The following CEP57L1 variants were observed in gnomAD, a reference collection of about 807,000 sequenced individuals.
CEP57L1 encodes centrosomal protein CEP57L1.
A neutral mutation model predicts 61.0 loss-of-function variants in CEP57L1; 37 were observed. The observed-to-expected ratio is 0.61, with a 90% CI of 0.47 to 0.80. The LOEUF is 0.80. CEP57L1 is among the 30% of genes least tolerant of loss of function. CEP57L1 has a pLI of 0.00. For synonymous variants in CEP57L1, 137 were observed against 162.3 expected (o/e 0.84, Z 1.19); for missense variants, 422 against 524.7 (o/e 0.80, Z 1.91).
chr6:109,097,478 C>T (rs1367371280), intron 1 of CEP57L1, among the ~76,000 whole-genome samples: 3 of 152,166 alleles, frequency 2.0e-5, no homozygotes, highest in Admixed American at 2.0e-4. Flanking sequence ...TATTGCCCTC[C>T]AGATCAGCCA....
At chr6:109,154,574 A>G (rs569466956) in intron 5 of CEP57L1, among the ~76,000 whole-genome samples, 2 of 152,248 alleles carry the variant, frequency 1.3e-5, no homozygotes, top group South Asian at 4.1e-4. Flanking sequence ...AAAATCCAAA[A>G]TCTGATATAC....
intron 1 of CEP57L1, among the ~76,000 whole-genome samples, chr6:109,110,883 A>G (rs1426947637): frequency 5.3e-5 from 8 of 152,244 alleles, no homozygotes; most frequent in Middle Eastern, 3.4e-3. Context: ...CCATTGGTCT[A>G]TATATCTGTT....
intron 1 of CEP57L1, among the ~76,000 whole-genome samples, chr6:109,132,757 T>C (rs1267303523): frequency 6.6e-6 from 1 of 152,246 alleles, no homozygotes; most frequent in African/African-American, 2.4e-5. Context: ...TTCTACATCA[T>C]TTCTAAAATT....
At chr6:109,136,563 A>T (rs78439874) in intron 1 of CEP57L1, among the ~76,000 whole-genome samples, 2 of 145,328 alleles carry the variant, frequency 1.4e-5, no homozygotes, top group Non-Finnish European at 1.5e-5. Context: ...TATAAGTATA[A>T]AAAAAAAAAA....
intron 1 of CEP57L1, among the ~76,000 whole-genome samples, chr6:109,097,753 T>C (rs1195165911): frequency 1.3e-5 from 2 of 152,078 alleles, no homozygotes; most frequent in African/African-American, 4.8e-5. Flanking sequence ...TGCCAGGATG[T>C]GAGGGGCAAG....
intron 1 of CEP57L1, among the ~76,000 whole-genome samples, chr6:109,141,456 G>T (rs938060655): frequency 2.6e-5 from 4 of 151,808 alleles, no homozygotes; most frequent in Non-Finnish European, 5.9e-5. Flanking sequence ...CTCATGATCC[G>T]CCCACCTCTC....
intron 1 of CEP57L1, among the ~76,000 whole-genome samples, chr6:109,126,403 T>A (rs1205193811): frequency 6.6e-6 from 1 of 152,214 alleles, no homozygotes; most frequent in Non-Finnish European, 1.5e-5. Flanking sequence ...TTGTGGACAA[T>A]GTTTTAGAAG....
intron 1 of CEP57L1, among the ~76,000 whole-genome samples, chr6:109,133,308 C>T (rs1299569789): frequency 5.9e-5 from 9 of 152,028 alleles, no homozygotes; most frequent in African/African-American, 9.7e-5. Flanking sequence ...GACATTAGTT[C>T]GATTCTCATA....
intron 1 of CEP57L1, among the ~76,000 whole-genome samples, chr6:109,115,600 A>AT (rs929172472): frequency 3.2e-4 from 48 of 152,076 alleles, no homozygotes; most frequent in Non-Finnish European, 4.6e-4. Context: ...TAAATCTGTT[A>AT]TTTTTTTTAA....
intron 1 of CEP57L1, among the ~76,000 whole-genome samples, chr6:109,120,633 G>A (rs1194111705): frequency 1.3e-5 from 2 of 151,456 alleles, no homozygotes; most frequent in Non-Finnish European, 3.0e-5. Context: ...GGGATTATGG[G>A]CTACTCTTAA....
At chr6:109,112,260 A>T (rs1771743205) in intron 1 of CEP57L1, among the ~76,000 whole-genome samples, 1 of 152,116 alleles carries the variant, frequency 6.6e-6, no homozygotes, top group Admixed American at 6.5e-5. Context: ...GGGAGGGTGT[A>T]TGTGCCCCGG....
chr6:109,107,258 TTC>T (rs1296034309), intron 1 of CEP57L1, among the ~76,000 whole-genome samples: 1 of 149,144 alleles, frequency 6.7e-6, no homozygotes, highest in African/African-American at 2.5e-5. Flanking sequence ...GGCTTGAATT[TTC>T]TCTCTGTTTT....
At chr6:109,142,118 A>G (rs1035616050) in intron 1 of CEP57L1, among the ~76,000 whole-genome samples, 10 of 152,292 alleles carry the variant, frequency 6.6e-5, no homozygotes, top group African/African-American at 9.6e-5. Context: ...GTTGCAGCCA[A>G]TTGGGGTATC....
intron 1 of CEP57L1, among the ~76,000 whole-genome samples, chr6:109,127,831 T>C (rs1773744633): frequency 6.6e-6 from 1 of 151,812 alleles, no homozygotes; most frequent in Non-Finnish European, 1.5e-5. Context: ...GGTTTCACCA[T>C]GTTGGCCAGG....
At chr6:109,140,649 C>T (rs1450805098) in intron 1 of CEP57L1, 1 of 151,950 alleles carries the variant, frequency 6.6e-6, no homozygotes, top group Non-Finnish European at 1.5e-5. Context: ...CCGCCTGCCT[C>T]AGCCCCTCAA....
rs536618462 is a variant in CEP57L1 at position 109,173,178 on chromosome 6, G to A, written c.*10208G>A. On this transcript the variant is annotated 3_prime_UTR_variant, in exon 11 of 11. Coordinates refer to ENST00000517392, the MANE Select transcript of CEP57L1 (RefSeq NM_001271852.3). Reference sequence around the variant, plus strand: ...TTTAACCATGTATACCATTGTTTGTGTACTTTTTAATTGTGTCATTTTCTA... The same window carrying A: ...TTTAACCATGTATACCATTGTTTGTATACTTTTTAATTGTGTCATTTTCTA... Among the ~76,000 whole-genome samples the A allele has an allele frequency of 3.4e-4, 52 of 152,118 alleles. 1 individual carries two copies. The highest frequency in any genetic ancestry group is 1.2e-3 in the African/African-American group (50 of 41,508).
At chr6:109,159,142 T>C in intron 8 of CEP57L1, 40 bp downstream of exon 8, 2 of 1,613,934 alleles carry the variant, frequency 1.2e-6, no homozygotes, top group Non-Finnish European at 8.5e-7. Flanking sequence ...TCAAAAAAAC[T>C]CCTGTTTTGT....
chr6:109,111,942 A>T (rs1360699467), intron 1 of CEP57L1, among the ~76,000 whole-genome samples: 2 of 151,954 alleles, frequency 1.3e-5, no homozygotes, highest in African/African-American at 4.8e-5. Context: ...TTTATTGAGG[A>T]TTTTCGCATC....
upstream of CEP57L1, chr6:109,095,299 C>A: frequency 1.0e-6 from 1 of 985,956 alleles, no homozygotes; most frequent in Non-Finnish European, 1.2e-6. Flanking sequence ...AAAACAAGCA[C>A]GACAAAGAAA....
Sources: allele counts gnomAD v4.1 joint callset (sites outside exome capture counted in the v4.1 genomes callset), GRCh38; gene constraint gnomAD v4.1.1; transcripts MANE v1.5; gene names NCBI Gene and HGNC (gene_info 2026-07-23, HGNC 2026-07-21).